The following ARL3 variants were observed in gnomAD, a reference collection of about 807,000 sequenced individuals.
The protein encoded by ARL3 is ADP-ribosylation factor-like protein 3.
ARL3 carries 9 observed loss-of-function variants against 26.0 expected under a neutral mutation model. The observed-to-expected ratio is 0.35, with a 90% CI of 0.21 to 0.60. The LOEUF (loss-of-function observed/expected upper bound fraction) is 0.60. Ranked by LOEUF, ARL3 falls within the 20% of genes least tolerant of loss-of-function variation. ARL3 has a pLI of 0.78. For synonymous variants in ARL3, 71 were observed against 78.4 expected (o/e 0.91, Z 0.50); for missense variants, 158 against 215.7 (o/e 0.73, Z 1.67).
At position 102,689,946 on chromosome 10, in the gene ARL3, A is replaced by T. The variant is rs374219620; in HGVS notation, c.265-3T>A. ...TCTGCACTGTCGATTACATATATCT[A>T]TAAAGGAAAAGAAGAAGGTTATTTC... is the stretch of plus-strand genomic sequence containing the variant. On this transcript the variant is annotated splice_polypyrimidine_tract_variant and splice_region_variant and intron_variant, in intron 3 of 5. Coordinates refer to ENST00000260746, the MANE Select transcript of ARL3 (RefSeq NM_004311.4). 34 of 1,583,606 alleles carry T rather than the reference A, an allele frequency of 2.1e-5. No homozygotes were observed. The highest frequency in any genetic ancestry group is 2.8e-5 in the Non-Finnish European group (32 of 1,161,970).
chr10:102,702,456 G>A (rs1388798986), intron 2 of ARL3, among the ~76,000 whole-genome samples: 6 of 152,032 alleles, frequency 3.9e-5, no homozygotes. Context: ...ATAAAAGTTT[G>A]TTTTTAAAGA....
intron 2 of ARL3, among the ~76,000 whole-genome samples, chr10:102,703,584 C>T (rs2064292520): frequency 6.6e-6 from 1 of 151,064 alleles, no homozygotes; most frequent in African/African-American, 2.4e-5. Context: ...GCTGGGACTA[C>T]AGGTGCCCAC....
rs1421409893 is a variant in ARL3, at chr10:102,683,418, A to T, written c.501+2398T>A. The stretch of plus-strand genomic sequence containing the variant: ...CATTAACCTTGAAATCCCAGTCTTA[A>T]CTACCCAATTCTATACACCATGGTA... On this transcript the variant is annotated intron_variant, in intron 5 of 5. Coordinates refer to ENST00000260746, the MANE Select transcript of ARL3 (RefSeq NM_004311.4). Among the ~76,000 whole-genome samples the T allele has an allele frequency of 2.6e-5, 4 of 152,358 alleles. No individual in the cohort carries two copies. The East Asian group carries it at 7.7e-4, about 29-fold the overall frequency.
At chr10:102,703,550 T>A (rs2064292302) in intron 2 of ARL3, among the ~76,000 whole-genome samples, 1 of 146,354 alleles carries the variant, frequency 6.8e-6, no homozygotes, top group Non-Finnish European at 1.5e-5. Context: ...TTCACGCCAT[T>A]CTCCTGCCTC....
rs760932319 is a variant in ARL3, at chr10:102,675,203, C to T, written c.*1691G>A. 1 of 152,234 alleles carries T rather than the reference C, an allele frequency of 6.6e-6. No individual in the cohort carries two copies. Among genetic ancestry groups the T allele is most frequent in the Non-Finnish European group, 1.5e-5 (1 of 68,062 alleles). The allele number at this position is 152,234 out of a possible 1,614,324, so 9.4% of individuals were successfully genotyped here. A position where few individuals can be genotyped will look rare whatever the true frequency, so the allele number is the denominator to read the frequency against. Reference sequence around the variant, plus strand: ...GCAGCTAGCTCTGAGGTTAAAAAAACCCCTCACTTTCTTTTGTTTTGCAAG... The same window carrying T: ...GCAGCTAGCTCTGAGGTTAAAAAAATCCCTCACTTTCTTTTGTTTTGCAAG... On this transcript the variant is annotated 3_prime_UTR_variant, in exon 6 of 6. Transcript: ENST00000260746.
At chr10:102,677,575 T>A (rs2064136451) in intron 5 of ARL3, among the ~76,000 whole-genome samples, 1 of 152,280 alleles carries the variant, frequency 6.6e-6, no homozygotes, top group Admixed American at 6.5e-5. Context: ...CACAATGACC[T>A]TGAAAGCGCC....
intron 2 of ARL3, among the ~76,000 whole-genome samples, chr10:102,703,735 G>A (rs1030372628): frequency 1.3e-5 from 2 of 151,176 alleles, no homozygotes; most frequent in Admixed American, 6.6e-5. Context: ...GAGCCACCAC[G>A]CCCGGCCCAG....
chr10:102,694,236 G>A (rs973484508), intron 3 of ARL3, among the ~76,000 whole-genome samples: 7 of 151,976 alleles, frequency 4.6e-5, no homozygotes, highest in South Asian at 4.1e-4. Flanking sequence ...TGATCCTCCC[G>A]CCTTGGCCTC....
intron 4 of ARL3, among the ~76,000 whole-genome samples, chr10:102,687,418 T>C (rs959594831): frequency 2.6e-5 from 4 of 151,912 alleles, no homozygotes; most frequent in African/African-American, 9.6e-5. Context: ...AAAAAATTTT[T>C]TTTGGCCAGG....
chr10:102,701,046 C>A (rs529137113), intron 2 of ARL3, among the ~76,000 whole-genome samples: 206 of 152,186 alleles, frequency 1.4e-3, no homozygotes, highest in African/African-American at 4.8e-3. Flanking sequence ...TGGAAGTCTT[C>A]ATTTTTAAGA....
intron 1 of ARL3, among the ~76,000 whole-genome samples, chr10:102,711,008 T>C (rs975915218): frequency 2.0e-5 from 3 of 152,178 alleles, no homozygotes; most frequent in Non-Finnish European, 2.9e-5. Context: ...CAGCTAAAAT[T>C]TGAATTCTGA....
Position 102,675,713 on chromosome 10 carries a change from A to G in ARL3, c.*1181T>C, listed in dbSNP as rs2064126764. On this transcript the variant is annotated 3_prime_UTR_variant, in exon 6 of 6. Coordinates refer to ENST00000260746, the MANE Select transcript of ARL3 (RefSeq NM_004311.4). Reference sequence around the variant, plus strand: ...CTGCTGCAGAGAGGCAGAGGAGCCCAGCAGCTGGGGTGACTCTTGATTCCT... The same window carrying G: ...CTGCTGCAGAGAGGCAGAGGAGCCCGGCAGCTGGGGTGACTCTTGATTCCT... 6.6e-6 allele frequency: 1 copy of G among 152,276 alleles called. No individual in the cohort carries two copies. Among genetic ancestry groups the G allele is most frequent in the African/African-American group, 2.4e-5 (1 of 41,450 alleles). 9.4% of individuals were successfully genotyped at this position (152,276 alleles called of 1,614,324 possible). A position where few individuals can be genotyped will look rare whatever the true frequency, so the allele number is the denominator to read the frequency against.
rs528312920 is a variant in ARL3, at chr10:102,711,082, C to T, written c.3+3191G>A. ...AACTAGCTTAAATATAACTGACTTC[C>T]ATTTGTTTTTACGTCTTTCAACTGA... is the stretch of plus-strand genomic sequence containing the variant. On this transcript the variant is annotated intron_variant, in intron 1 of 5. Coordinates refer to ENST00000260746, the MANE Select transcript of ARL3 (RefSeq NM_004311.4). 9.8e-5 allele frequency among the ~76,000 whole-genome samples: 15 copies of T among 152,292 alleles called. No individual in the cohort carries two copies. The East Asian group carries it at 2.5e-3, about 25-fold the overall frequency.
intron 2 of ARL3, among the ~76,000 whole-genome samples, chr10:102,704,628 A>C (rs187880647): frequency 2.0e-5 from 3 of 152,252 alleles, no homozygotes; most frequent in Non-Finnish European, 4.4e-5. Context: ...TGACAAAGCA[A>C]GACTGTGTCT....
rs1334610596 is a variant in ARL3, at chr10:102,689,931, C to T, written c.277G>A (p.Asp93Asn). Residue 93 changes from aspartate (D) to asparagine (N), a missense_variant, in exon 4 of 6, where the codon GAC (aspartate) becomes AAC (asparagine). Asp to Asn is a conservative substitution (Grantham distance 23, BLOSUM62 1). Coordinates refer to ENST00000260746, the MANE Select transcript of ARL3 (RefSeq NM_004311.4). ...ENTDILIYVI[D>N]SADRKRFEET... ...TCAAATCTTTTTCTGTCTGCACTGT[C>T]GATTACATATATCTATAAAGGAAAA... is the stretch of plus-strand genomic sequence containing the variant. 1.0e-5 allele frequency: 16 copies of T among 1,595,862 alleles called. No homozygotes were observed. The highest frequency in any genetic ancestry group is 1.3e-5 in the Non-Finnish European group (15 of 1,169,402).
intron 1 of ARL3, among the ~76,000 whole-genome samples, chr10:102,711,436 C>T (rs1481300507): frequency 6.6e-6 from 1 of 151,390 alleles, no homozygotes. Context: ...ATATACATAA[C>T]ACTGCACACA....
chr10:102,699,353 G>T lies in ARL3; in HGVS notation c.264+20C>A. On this transcript the variant is annotated intron_variant, in intron 3 of 5. Coordinates refer to ENST00000260746, the MANE Select transcript of ARL3 (RefSeq NM_004311.4). ...ATGGCAGAAAATACTATGAATTAGT[G>T]CGTCAGAAGGAGTACTTACAAGAAT... 7.2e-7 allele frequency: 1 copy of T among 1,395,314 alleles called. No homozygotes were observed. The highest frequency in any genetic ancestry group is 1.0e-6 in the Non-Finnish European group (1 of 981,786). The allele number at this position is 1,395,314 out of a possible 1,614,324, so 86.4% of individuals were successfully genotyped here. A position where few individuals can be genotyped will look rare whatever the true frequency, so the allele number is the denominator to read the frequency against.
At position 102,676,538 on chromosome 10, in the gene ARL3, C is replaced by CT. The variant is rs1164760163; in HGVS notation, c.*355dup. ...GCTGCTTCTTCCTCTTTTTCTTTTT[C>CT]TTTTTTTTTTTTTGAGAGGAAAAAA... is the stretch of plus-strand genomic sequence containing the variant. On this transcript the variant is annotated 3_prime_UTR_variant, in exon 6 of 6. Transcript: ENST00000260746. 0.016 allele frequency: 2,438 copies of CT among 150,660 alleles called. 31 individuals are homozygous for CT. Among genetic ancestry groups the CT allele is most frequent in the African/African-American group, 0.045 (1,712 of 38,156 alleles). The allele number at this position is 150,660 out of a possible 1,614,324, so 9.3% of individuals were successfully genotyped here.
chr10:102,678,510 T>C (rs141201682), intron 5 of ARL3, among the ~76,000 whole-genome samples: 5 of 152,288 alleles, frequency 3.3e-5, no homozygotes, highest in Non-Finnish European at 5.9e-5. Flanking sequence ...GGAAGCTGAA[T>C]AGCTCAGCAC....
Sources: allele counts gnomAD v4.1 joint callset (sites outside exome capture counted in the v4.1 genomes callset), GRCh38; gene constraint gnomAD v4.1.1; transcripts MANE v1.5; gene names NCBI Gene and HGNC (gene_info 2026-07-23, HGNC 2026-07-21).